The following BLK variants were observed in gnomAD, a reference collection of about 807,000 sequenced individuals.
BLK encodes BLK proto-oncogene, Src family tyrosine kinase, also known as tyrosine-protein kinase Blk.
A neutral mutation model predicts 61.8 loss-of-function variants in BLK; 64 were observed. The ratio of observed to expected loss-of-function variants is 1.03; its 90% CI spans 0.85 to 1.27. The LOEUF (loss-of-function observed/expected upper bound fraction) is 1.27. Ranked by LOEUF, BLK falls within the 50% of genes most tolerant of loss-of-function variation. The pLI, the probability that BLK is intolerant of heterozygous loss-of-function variation, is 0.00. For missense variants in BLK, 853 were observed against 660.5 expected, an observed-to-expected ratio of 1.29 and a Z score of -3.19; for synonymous variants, 351 against 272.0, an observed-to-expected ratio of 1.29 and a Z score of -2.86.
intron 1 of BLK, among the ~76,000 whole-genome samples, chr8:11,501,915 A>G (rs1331288982): frequency 2.0e-5 from 3 of 152,244 alleles, no homozygotes; most frequent in South Asian, 4.1e-4. Flanking sequence ...GTTTTGTGCT[A>G]CTCACAGTGT....
rs1167659682 is a variant in BLK, at chr8:11,560,182, CATGGATGG to C, written c.1030-1092_1030-1085del. Among the ~76,000 whole-genome samples the C allele has an allele frequency of 4.2e-3, 174 of 41,154 alleles. 1 individual carries two copies. Among genetic ancestry groups the C allele is most frequent in the Middle Eastern group, 0.019 (1 of 54 alleles). 27.0% of individuals were successfully genotyped at this position (41,154 alleles called of 152,430 possible). A position where few individuals can be genotyped will look rare whatever the true frequency, so the allele number is the denominator to read the frequency against. On this transcript the variant is annotated intron_variant, in intron 10 of 12. Coordinates refer to ENST00000259089, the MANE Select transcript of BLK (RefSeq NM_001715.3). ...GGGTGGGTGGGTGGATGGATGGATGCATGGATGGATGGATGGATGGATGGATGGATGGA... is the reference window on the plus strand; with the variant it reads ...GGGTGGGTGGGTGGATGGATGGATGCATGGATGGATGGATGGATGGATGGA...
chr8:11,564,295 G>C lies in BLK; in HGVS notation c.*187G>C. On this transcript the variant is annotated 3_prime_UTR_variant, in exon 13 of 13. Transcript: ENST00000259089. ...TCCTTCACCGACTGCACCCCCGGGC[G>C]AGTTACGCGGCCTCTCTGTGCCGCT... 1 of 751,010 alleles carries C rather than the reference G, an allele frequency of 1.3e-6. No individual in the cohort carries two copies. 46.5% of individuals were successfully genotyped at this position (751,010 alleles called of 1,614,324 possible). A position where few individuals can be genotyped will look rare whatever the true frequency, so the allele number is the denominator to read the frequency against.
intron 1 of BLK, among the ~76,000 whole-genome samples, chr8:11,540,370 T>A (rs1433236490): frequency 6.6e-6 from 1 of 152,244 alleles, no homozygotes; most frequent in Non-Finnish European, 1.5e-5. Flanking sequence ...ATGTTTTTTA[T>A]TCTGCTCTGA....
chr8:11,497,335 TC>T (rs1470770813), intron 1 of BLK, among the ~76,000 whole-genome samples: 1 of 152,112 alleles, frequency 6.6e-6, no homozygotes, highest in Admixed American at 6.5e-5. Context: ...TGTGGAATGT[TC>T]CCTGGCGTGC....
At chr8:11,521,937 C>A (rs1341987678) in intron 1 of BLK, among the ~76,000 whole-genome samples, 2 of 152,028 alleles carry the variant, frequency 1.3e-5, no homozygotes, top group African/African-American at 2.4e-5. Flanking sequence ...ATTTTGAAAA[C>A]CAGCTTGTAA....
chr8:11,527,099 A>C (rs1026498500), intron 1 of BLK, among the ~76,000 whole-genome samples: 5 of 152,154 alleles, frequency 3.3e-5, no homozygotes, highest in African/African-American at 9.7e-5. Flanking sequence ...GCATGCTCGC[A>C]AGGGGTCTTT....
In BLK at chr8:11,494,449, T is replaced by C. The variant is rs997352270; in HGVS notation, c.-144T>C. Reference sequence around the variant, plus strand: ...GAAAGCCACAAGCCATGAAAACTGATTGAGATGAGAAGAATTCATCTGGGA... The same window carrying C: ...GAAAGCCACAAGCCATGAAAACTGACTGAGATGAGAAGAATTCATCTGGGA... On this transcript the variant is annotated 5_prime_UTR_variant, in exon 1 of 13. Transcript: ENST00000259089. 5 of 152,360 alleles carry C rather than the reference T, an allele frequency of 3.3e-5. No individual in the cohort carries two copies. The East Asian group carries it at 5.8e-4, about 18-fold the overall frequency. The allele number at this position is 152,360 out of a possible 1,614,324, so 9.4% of individuals were successfully genotyped here.
At chr8:11,502,347 A>G (rs530982822) in intron 1 of BLK, among the ~76,000 whole-genome samples, 434 of 151,486 alleles carry the variant, frequency 2.9e-3, no homozygotes, top group Non-Finnish European at 5.0e-3. Flanking sequence ...TCTGTTGCCC[A>G]GGCTGCAGTG....
At chr8:11,545,181 A>G (rs1166359210) in intron 2 of BLK, among the ~76,000 whole-genome samples, 1 of 152,212 alleles carries the variant, frequency 6.6e-6, no homozygotes, top group African/African-American at 2.4e-5. Context: ...GCTGTTGCTC[A>G]TTAATTTTAT....
chr8:11,510,499 G>C (rs957287634), intron 1 of BLK, among the ~76,000 whole-genome samples: 10 of 152,126 alleles, frequency 6.6e-5, no homozygotes, highest in Non-Finnish European at 1.3e-4. Context: ...CTGAAGCTGA[G>C]CACAAAATTT....
intron 1 of BLK, among the ~76,000 whole-genome samples, chr8:11,537,246 T>C (rs1464570017): frequency 6.6e-6 from 1 of 152,170 alleles, no homozygotes; most frequent in East Asian, 1.9e-4. Context: ...AAGATGAGTA[T>C]AGCATTGGTG....
intron 1 of BLK, among the ~76,000 whole-genome samples, chr8:11,520,727 GT>G (rs1226843607): frequency 6.6e-6 from 1 of 151,942 alleles, no homozygotes; most frequent in Non-Finnish European, 1.5e-5. Flanking sequence ...ACAAGAAAAG[GT>G]AATACAACAT....
intron 1 of BLK, among the ~76,000 whole-genome samples, chr8:11,505,008 A>G (rs189247342): frequency 4.8e-4 from 73 of 152,302 alleles, no homozygotes; most frequent in African/African-American, 1.7e-3. Flanking sequence ...ACACATACAC[A>G]TAAGAATACA....
chr8:11,555,374 T>C lies in BLK; in HGVS notation c.662T>C (p.Val221Ala). ...GLCQRLTLPC[V>A]RPAPQNPWAQ... The stretch of plus-strand genomic sequence containing the variant: ...TGCCAGAGGCTGACCCTGCCCTGTG[T>C]GCGCCCGGCCCCGCAGAATCCCTGG... The change falls in exon 8 of 13, where the codon GTG (valine) becomes GCG (alanine). Residue 221 changes from valine (V) to alanine (A), a missense_variant. Transcript: ENST00000259089. 1.2e-6 allele frequency: 2 copies of C among 1,614,130 alleles called. No homozygotes were observed. The highest frequency in any genetic ancestry group is 1.7e-6 in the Non-Finnish European group (2 of 1,180,016).
At chr8:11,514,293 CT>C (rs1799138256) in intron 1 of BLK, among the ~76,000 whole-genome samples, 1 of 152,206 alleles carries the variant, frequency 6.6e-6, no homozygotes, top group South Asian at 2.1e-4. Context: ...CTCCTGTCCA[CT>C]GTTCCAGCAA....
chr8:11,554,933 C>A lies in BLK; in HGVS notation c.619+44C>A, dbSNP rs138716203. 2,017 of 1,602,320 alleles carry A rather than the reference C, an allele frequency of 1.3e-3. 22 individuals are homozygous for A. The African/African-American group carries it at 0.024, about 19-fold the overall frequency. ...TGGGGGCAGGGACTTGTGCCAAGAG[C>A]CCCTGGATCTCTCGCTAAGATTCCC... On this transcript the variant is annotated intron_variant, in intron 7 of 12. Coordinates refer to ENST00000259089, the MANE Select transcript of BLK (RefSeq NM_001715.3).
At chr8:11,562,766 G>A (rs1233775622) in intron 11 of BLK, among the ~76,000 whole-genome samples, 3 of 152,194 alleles carry the variant, frequency 2.0e-5, no homozygotes. Flanking sequence ...TGTCCATATC[G>A]TCTTTCTGTG....
intron 1 of BLK, among the ~76,000 whole-genome samples, chr8:11,515,684 T>C (rs1746714809): frequency 6.6e-6 from 1 of 152,202 alleles, no homozygotes; most frequent in Non-Finnish European, 1.5e-5. Context: ...TTTTCTAATA[T>C]TGTATCAGTG....
chr8:11,535,629 T>C (rs576906101), intron 1 of BLK, among the ~76,000 whole-genome samples: 2 of 152,332 alleles, frequency 1.3e-5, no homozygotes, highest in African/African-American at 2.4e-5. Flanking sequence ...TTGTAACCAC[T>C]AATGGGACTT....
Sources: allele counts gnomAD v4.1 joint callset (sites outside exome capture counted in the v4.1 genomes callset), GRCh38; gene constraint gnomAD v4.1.1; transcripts MANE v1.5; gene names NCBI Gene and HGNC (gene_info 2026-07-23, HGNC 2026-07-21).